PLXNC1: variants seen among roughly 807,000 people sequenced by gnomAD.
The protein encoded by PLXNC1 is plexin-C1.
In PLXNC1, 75 loss-of-function variants were observed where a neutral mutation model predicts 178.2. That is an observed-to-expected ratio of 0.42 (90% CI 0.35 to 0.51). The LOEUF (loss-of-function observed/expected upper bound fraction) is 0.51, where lower values mean the gene tolerates loss of function less well. PLXNC1 is among the 20% of genes least tolerant of loss of function. The pLI is 0.02. For missense variants in PLXNC1, 1,503 were observed against 1,984.4 expected, an observed-to-expected ratio of 0.76 and a Z score of 4.61; for synonymous variants, 790 against 779.9, an observed-to-expected ratio of 1.01 and a Z score of -0.22.
chr12:94,302,418 T>C (rs1272951154), intron 28 of PLXNC1, among the ~76,000 whole-genome samples: 1 of 152,218 alleles, frequency 6.6e-6, no homozygotes, highest in Non-Finnish European at 1.5e-5. Flanking sequence ...GACCAGAAAC[T>C]GTAGGAGACT....
At chr12:94,199,803 G>T (rs1031093395) in intron 4 of PLXNC1, among the ~76,000 whole-genome samples, 1 of 152,046 alleles carries the variant, frequency 6.6e-6, no homozygotes, top group Non-Finnish European at 1.5e-5. Flanking sequence ...TGGTTGGTTG[G>T]TTTTTTTAGA....
At chr12:94,216,799 T>A (rs1466278795) in intron 5 of PLXNC1, among the ~76,000 whole-genome samples, 6 of 152,126 alleles carry the variant, frequency 3.9e-5, no homozygotes, top group African/African-American at 1.2e-4. Flanking sequence ...AGCAAGCAAT[T>A]CTTTGGCCTT....
chr12:94,260,281 C>T lies in PLXNC1; in HGVS notation c.3252-361C>T, dbSNP rs12424256. 0.18 allele frequency among the ~76,000 whole-genome samples: 27,763 copies of T among 152,052 alleles called. 2,787 individuals are homozygous for T. The highest frequency in any genetic ancestry group is 0.26 in the Middle Eastern group (76 of 294). ...CTATATTGCCCAGGCTGGTCTCAAA[C>T]TCCTGACCTCAGGTGATCTGCCTGC... On this transcript the variant is annotated intron_variant, in intron 19 of 30. Transcript: ENST00000258526. This position sits in a 1 kb window ranked among gnomAD's most constrained non-coding sequence, Gnocchi z 4.4.
chr12:94,198,917 T>C (rs921457697), intron 4 of PLXNC1, among the ~76,000 whole-genome samples: 1 of 152,216 alleles, frequency 6.6e-6, no homozygotes, highest in African/African-American at 2.4e-5. Flanking sequence ...AAGGTCACGT[T>C]CTGAGGTTCT....
chr12:94,254,870 C>T lies in PLXNC1; in HGVS notation c.2965C>T (p.Arg989Trp), dbSNP rs762807213. ...QQLELLESEL[R>W]KEIRDGFAEL... ...ACTAGAATTGCTGGAAAGCGAGCTC[C>T]GGAAAGAGATACGTGACGGTAGGCT... Residue 989 changes from arginine (R) to tryptophan (W), a missense_variant, in exon 16 of 31, where the codon CGG becomes TGG. This residue lies in a region of PLXNC1 where 639 missense variants were observed against 979.7 expected (regional missense o/e 0.65). Coordinates refer to ENST00000258526, the MANE Select transcript of PLXNC1 (RefSeq NM_005761.3). 1.2e-6 allele frequency: 2 copies of T among 1,611,184 alleles called. No homozygotes were observed. The highest frequency in any genetic ancestry group is 1.7e-6 in the Non-Finnish European group (2 of 1,179,028).
chr12:94,245,763 C>A (rs1964513291), intron 12 of PLXNC1, among the ~76,000 whole-genome samples: 1 of 152,096 alleles, frequency 6.6e-6, no homozygotes, highest in Non-Finnish European at 1.5e-5. Flanking sequence ...ATCACTCAAT[C>A]CTGCTTAGTG....
At position 94,209,658 on chromosome 12, in the gene PLXNC1, CA is replaced by C; in HGVS notation, c.1514del (p.Lys505SerfsTer7). On this transcript the variant is annotated frameshift_variant, in exon 5 of 31. Transcript: ENST00000258526. LOFTEE classifies it high-confidence loss of function. ...AACTGGCTGGATATTTCGTCTGGAG[CA>C]AAAAAGTGCCCTAAAATTCAGATAA... ...LENWLDISSG[A>X]KKCPKIQIIR... The C allele has an allele frequency of 6.2e-7, 1 of 1,612,702 alleles. No homozygotes were observed. Among genetic ancestry groups the C allele is most frequent in the Non-Finnish European group, 8.5e-7 (1 of 1,178,928 alleles).
chr12:94,259,502 C>T (rs1055144296), intron 18 of PLXNC1, 108 bp from the exon 19 acceptor site: 10 of 1,145,198 alleles, frequency 8.7e-6, no homozygotes, highest in Non-Finnish European at 1.1e-5. Context: ...ATCATGAATT[C>T]AATATTGAAT....
At position 94,298,740 on chromosome 12, in the gene PLXNC1, G is replaced by T. The variant is rs1968175240; in HGVS notation, c.4183G>T (p.Ala1395Ser). ...CTTTTTTGACTTTTTGGACGCCCAG[G>T]CTGAAAACAAAAAAATCACAGATCC... is the stretch of plus-strand genomic sequence containing the variant. Reference protein sequence around the residue: ...KYFFDFLDAQAENKKITDPDV... With the variant: ...KYFFDFLDAQSENKKITDPDV... The change falls in exon 27 of 31, where the codon GCT becomes TCT. Residue 1395 changes from alanine to serine, a missense_variant. By Grantham distance (99) the Ala-to-Ser change is moderately conservative (BLOSUM62 1). Around this residue, in one of 4 missense-constraint regions of PLXNC1, gnomAD observed 639 missense variants for 979.7 expected, o/e 0.65. Transcript: ENST00000258526. The T allele has an allele frequency of 6.2e-7, 1 of 1,613,056 alleles. No homozygotes were observed. The highest frequency in any genetic ancestry group is 8.5e-7 in the Non-Finnish European group (1 of 1,179,782).
chr12:94,267,734 CTG>C (rs1409626957), intron 21 of PLXNC1, among the ~76,000 whole-genome samples: 1 of 152,162 alleles, frequency 6.6e-6, no homozygotes, highest in African/African-American at 2.4e-5. Flanking sequence ...GTGTGACAAA[CTG>C]TTAGCAGAAG....
At chr12:94,195,417 GC>G (rs1962879647) in intron 4 of PLXNC1, among the ~76,000 whole-genome samples, 1 of 152,044 alleles carries the variant, frequency 6.6e-6, no homozygotes, top group South Asian at 2.1e-4. Context: ...CATCCATGGG[GC>G]CCCACTTGCT....
intron 9 of PLXNC1, among the ~76,000 whole-genome samples, chr12:94,228,465 G>C (rs1964007215): frequency 6.6e-6 from 1 of 152,190 alleles, no homozygotes; most frequent in African/African-American, 2.4e-5. Context: ...TAAGTGTACA[G>C]TTAGTTGAGG....
chr12:94,256,708 T>A (rs1218077361), intron 17 of PLXNC1, among the ~76,000 whole-genome samples: 1 of 152,210 alleles, frequency 6.6e-6, no homozygotes, highest in Non-Finnish European at 1.5e-5. Flanking sequence ...TGTGGGCTTT[T>A]ACAGTTAATG....
At chr12:94,266,271 C>T (rs1205828301) in intron 21 of PLXNC1, among the ~76,000 whole-genome samples, 5 of 152,184 alleles carry the variant, frequency 3.3e-5, no homozygotes, top group Non-Finnish European at 7.4e-5. Context: ...AAGTTTTCTG[C>T]CACTGCCAGA....
chr12:94,213,185 G>A (rs1302729099), intron 5 of PLXNC1, among the ~76,000 whole-genome samples: 1 of 152,190 alleles, frequency 6.6e-6, no homozygotes, highest in Non-Finnish European at 1.5e-5. Flanking sequence ...GATTTGCTGG[G>A]TCAAATGATA....
intron 4 of PLXNC1, among the ~76,000 whole-genome samples, chr12:94,206,347 C>T (rs774623304): frequency 1.3e-4 from 20 of 151,750 alleles, no homozygotes; most frequent in Admixed American, 4.6e-4. Context: ...AGTATTATCT[C>T]GAATACATTA....
At chr12:94,275,378 C>T (rs547833580) in intron 21 of PLXNC1, among the ~76,000 whole-genome samples, 3 of 152,164 alleles carry the variant, frequency 2.0e-5, no homozygotes, top group South Asian at 2.1e-4. Context: ...GCGCTTCCAT[C>T]GAGGTGTCTC....
intron 1 of PLXNC1, among the ~76,000 whole-genome samples, chr12:94,162,668 A>T (rs1961428707): frequency 6.6e-6 from 1 of 152,086 alleles, no homozygotes; most frequent in South Asian, 2.1e-4. Context: ...GGTGAATTTG[A>T]GATTATTGGG....
chr12:94,171,700 A>C (rs1429439659), intron 2 of PLXNC1, among the ~76,000 whole-genome samples: 2 of 152,104 alleles, frequency 1.3e-5, no homozygotes, highest in Non-Finnish European at 2.9e-5. Context: ...GTGGCTGGGG[A>C]CACATGCTCC....
Sources: gnomAD v4.1 joint callset for allele counts (sites outside exome capture counted in the v4.1 genomes callset) on GRCh38, gnomAD v4.1.1 for gene constraint, gnomAD v4.1.1 regional missense constraint, Gnocchi (gnomAD v3.1) non-coding constraint, MANE v1.5 for transcripts, NCBI Gene and HGNC (gene_info 2026-07-23, HGNC 2026-07-21) for gene names.